The following MCUB variants were observed in gnomAD, a reference collection of about 807,000 sequenced individuals.
MCUB encodes mitochondrial calcium uniporter dominant negative subunit beta.
Under a neutral mutation model 41.4 loss-of-function variants are expected in MCUB, and 46 were observed. The ratio of observed to expected loss-of-function variants is 1.11; its 90% CI spans 0.88 to 1.42. The LOEUF is 1.42. MCUB is among the 40% of genes most tolerant of loss of function. The pLI is 0.00. For synonymous variants in MCUB, 148 were observed against 148.2 expected (o/e 1.00, Z 0.01); for missense variants, 403 against 404.9 (o/e 1.00, Z 0.04).
In MCUB at chr4:109,664,391, A is replaced by G. The variant is rs752776168; in HGVS notation, c.448A>G (p.Arg150Gly). 6 of 1,276,454 alleles carry G rather than the reference A, an allele frequency of 4.7e-6. No individual in the cohort carries two copies. In the African/African-American group the frequency reaches 8.8e-5, roughly 19 times the overall value. The allele number at this position is 1,276,454 out of a possible 1,614,324, so 79.1% of individuals were successfully genotyped here. ...AGCATATGATGTGCAGTGTCCAAAG[A>G]GAGGTAAGAAACACAGCTATCCAAC... ...KIAYDVQCPK[R>G]EKPSNEHTAE... Residue 150 changes from arginine to glycine, a missense_variant, in exon 4 of 8, where the codon AGA (arginine) becomes GGA (glycine). Transcript: ENST00000394650.
At chr4:109,595,660 T>C (rs1227855456) in intron 1 of MCUB, among the ~76,000 whole-genome samples, 1 of 152,288 alleles carries the variant, frequency 6.6e-6, no homozygotes, top group Non-Finnish European at 1.5e-5. Flanking sequence ...TTGGACAGCA[T>C]AGAGAGAGAT....
At chr4:109,584,747 A>T (rs978139916) in intron 1 of MCUB, among the ~76,000 whole-genome samples, 3 of 152,124 alleles carry the variant, frequency 2.0e-5, no homozygotes, top group Non-Finnish European at 4.4e-5. Flanking sequence ...TTCAGTTTCC[A>T]TGTAGTTGCG....
chr4:109,675,004 C>G (rs533026650), intron 4 of MCUB, among the ~76,000 whole-genome samples: 3 of 152,266 alleles, frequency 2.0e-5, no homozygotes, highest in African/African-American at 7.2e-5. Context: ...GGCTATCACA[C>G]TTGTGAAATT....
At chr4:109,597,981 C>T (rs1727619338) in intron 1 of MCUB, among the ~76,000 whole-genome samples, 2 of 150,272 alleles carry the variant, frequency 1.3e-5, no homozygotes, top group Admixed American at 6.6e-5. Flanking sequence ...AGGCGCTCCC[C>T]ACATCTCAGA....
chr4:109,565,145 T>G (rs1436779787), intron 1 of MCUB, among the ~76,000 whole-genome samples: 1 of 152,130 alleles, frequency 6.6e-6, no homozygotes, highest in Non-Finnish European at 1.5e-5. Context: ...TATGGAAAAA[T>G]GGGTGGTGAT....
At chr4:109,589,972 C>T (rs756511559) in intron 1 of MCUB, among the ~76,000 whole-genome samples, 1 of 152,170 alleles carries the variant, frequency 6.6e-6, no homozygotes, top group Non-Finnish European at 1.5e-5. Flanking sequence ...TGATACAGAT[C>T]CAAAAAATTA....
chr4:109,586,812 G>C (rs1727317252), intron 1 of MCUB, among the ~76,000 whole-genome samples: 3 of 152,150 alleles, frequency 2.0e-5, no homozygotes, highest in Non-Finnish European at 4.4e-5. Context: ...ATTGCTGCCT[G>C]ATCCTTCCTC....
chr4:109,686,403 T>G (rs1729837604), intron 7 of MCUB, among the ~76,000 whole-genome samples: 1 of 152,208 alleles, frequency 6.6e-6, no homozygotes, highest in Non-Finnish European at 1.5e-5. Flanking sequence ...CCTCCCAAAG[T>G]GTTAGGATTA....
chr4:109,584,171 G>C (rs1229700034), intron 1 of MCUB, among the ~76,000 whole-genome samples: 1 of 152,104 alleles, frequency 6.6e-6, no homozygotes, highest in Admixed American at 6.5e-5. Context: ...TCCTGGTTTA[G>C]TCTTGGGAGG....
At chr4:109,606,704 C>T (rs1727879485) in intron 1 of MCUB, among the ~76,000 whole-genome samples, 1 of 152,126 alleles carries the variant, frequency 6.6e-6, no homozygotes, top group African/African-American at 2.4e-5. Context: ...CTTATTGTTT[C>T]TATTTATATC....
At chr4:109,625,269 A>G (rs2126136477) in intron 1 of MCUB, among the ~76,000 whole-genome samples, 1 of 152,346 alleles carries the variant, frequency 6.6e-6, no homozygotes, top group East Asian at 1.9e-4. Flanking sequence ...AGGCCTCATC[A>G]GAAGAGAAAT....
intron 3 of MCUB, among the ~76,000 whole-genome samples, chr4:109,663,659 A>T (rs1364329443): frequency 1.3e-5 from 2 of 152,200 alleles, no homozygotes; most frequent in African/African-American, 4.8e-5. Context: ...TAACCACCAC[A>T]AATCAGTTAC....
intron 4 of MCUB, among the ~76,000 whole-genome samples, chr4:109,670,719 CAAAAAA>C (rs201042577): frequency 1.6e-5 from 2 of 125,092 alleles, no homozygotes; most frequent in African/African-American, 5.8e-5. Context: ...ACTCTGTCTC[CAAAAAA>C]AAAAAAGAAA....
chr4:109,670,715 T>A (rs1347819798), intron 4 of MCUB, among the ~76,000 whole-genome samples: 1 of 147,500 alleles, frequency 6.8e-6, no homozygotes, highest in African/African-American at 2.6e-5. Flanking sequence ...GGAGACTCTG[T>A]CTCCAAAAAA....
chr4:109,581,712 G>T (rs2126126765), intron 1 of MCUB, among the ~76,000 whole-genome samples: 1 of 152,236 alleles, frequency 6.6e-6, no homozygotes, highest in Non-Finnish European at 1.5e-5. Context: ...TCAAAAAGTG[G>T]GTGAAGGATA....
chr4:109,610,970 T>C (rs6810809), intron 1 of MCUB, among the ~76,000 whole-genome samples: 80,580 of 151,972 alleles, frequency 0.53, 21,686 homozygotes, highest in South Asian at 0.69. Context: ...ATTTTGTATG[T>C]GGGTGGCAGG....
chr4:109,639,775 A>T (rs1728674595), intron 1 of MCUB, among the ~76,000 whole-genome samples: 1 of 152,198 alleles, frequency 6.6e-6, no homozygotes, highest in Non-Finnish European at 1.5e-5. Flanking sequence ...GAACACAGGT[A>T]GAGTAGCTTT....
intron 1 of MCUB, among the ~76,000 whole-genome samples, chr4:109,608,312 C>A (rs1460013080): frequency 6.6e-6 from 1 of 151,994 alleles, no homozygotes; most frequent in Non-Finnish European, 1.5e-5. Context: ...TTTTAGATTT[C>A]TTTGAGTTTC....
intron 4 of MCUB, among the ~76,000 whole-genome samples, chr4:109,669,018 A>C (rs1729401563): frequency 6.6e-6 from 1 of 151,982 alleles, no homozygotes; most frequent in Non-Finnish European, 1.5e-5. Flanking sequence ...CATAGTCAAA[A>C]CCAGTGTTAG....
Sources: allele counts gnomAD v4.1 joint callset (sites outside exome capture counted in the v4.1 genomes callset), GRCh38; gene constraint gnomAD v4.1.1; transcripts MANE v1.5; gene names NCBI Gene and HGNC (gene_info 2026-07-23, HGNC 2026-07-21).